Variants in SYNE1 observed in about 807,000 individuals in gnomAD.
The protein encoded by SYNE1 is spectrin repeat containing nuclear envelope protein 1.
A neutral mutation model predicts 1,111.0 loss-of-function variants in SYNE1; 616 were observed. The observed-to-expected ratio is 0.55, with a 90% confidence interval of 0.52 to 0.59. The LOEUF is 0.59. SYNE1 is among the 20% of genes least tolerant of loss of function. The probability of loss-of-function intolerance (pLI) is 0.00; values close to 1 mark genes in which losing one functional copy is unlikely to be tolerated. For synonymous variants in SYNE1, 3,855 were observed against 3,825.8 expected (o/e 1.01, Z -0.28); for missense variants, 10,006 against 10,417.0 (o/e 0.96, Z 1.72).
intron 14 of SYNE1, 53 bp downstream of exon 14, chr6:152,483,032 C>T (rs1456275447): frequency 4.3e-6 from 7 of 1,610,148 alleles, no homozygotes; most frequent in Non-Finnish European, 5.9e-6. Flanking sequence ...GGCTACCTCT[C>T]CAGACCACAG....
At chr6:152,444,726 C>A in intron 29 of SYNE1, 148 bp from the exon 30 acceptor site, 2 of 731,116 alleles carry the variant, frequency 2.7e-6, no homozygotes, top group Non-Finnish European at 4.4e-6. Flanking sequence ...CCACATCAGG[C>A]TAATTAGCCT....
rs533889254 is a variant in SYNE1 at position 152,271,335 on chromosome 6, A to T, written c.18574-2049T>A. Among the ~76,000 whole-genome samples the T allele has an allele frequency of 6.6e-5, 10 of 152,108 alleles. No individual in the cohort carries two copies. The East Asian group carries it at 1.9e-3, about 29-fold the overall frequency. The stretch of plus-strand genomic sequence containing the variant: ...GCTTGAAGCTAAATGAACAGTAAAA[A>T]CCTGTAGGTAATAGTATATAAAACT... On this transcript the variant is annotated intron_variant, in intron 98 of 145. Transcript: ENST00000367255.
chr6:152,387,250 A>T lies in SYNE1; in HGVS notation c.8309T>A (p.Phe2770Tyr), dbSNP rs1049551511. 1.2e-6 allele frequency: 2 copies of T among 1,614,174 alleles called. No individual in the cohort carries two copies. The highest frequency in any genetic ancestry group is 1.7e-6 in the Non-Finnish European group (2 of 1,180,034). ...LQPQPGLKEK[F>Y]VLLDHLQSIL... ...GGACTGGAGGTGGTCAAGCAGGACG[A>T]ACTTCTCTTTCAGACCTGGCTGTGG... Residue 2770 changes from phenylalanine (F) to tyrosine (Y), a missense_variant, in exon 54 of 146, where the codon TTC becomes TAC. Phe to Tyr is a conservative substitution (Grantham distance 22). Around this residue, in one of 7 missense-constraint regions of SYNE1, gnomAD observed 4,955 missense variants for 5,017.2 expected, o/e 0.99. Coordinates refer to ENST00000367255, the MANE Select transcript of SYNE1 (RefSeq NM_182961.4).
At chr6:152,603,849 A>G (rs59747004) in intron 3 of SYNE1, among the ~76,000 whole-genome samples, 5 of 94,162 alleles carry the variant, frequency 5.3e-5, no homozygotes, top group Admixed American at 3.7e-4. Context: ...ATCTATACAT[A>G]TATGTATATA....
Position 152,451,082 on chromosome 6 carries a change from G to A in SYNE1, c.3151C>T (p.Gln1051Ter). 1 of 1,614,080 alleles carries A rather than the reference G, an allele frequency of 6.2e-7. No individual in the cohort carries two copies. Among genetic ancestry groups the A allele is most frequent in the Non-Finnish European group, 8.5e-7 (1 of 1,180,024 alleles). Residue 1051 changes from glutamine (Q) to a stop codon, truncating the protein, a stop_gained, in exon 26 of 146, where the codon CAG becomes TAG. Transcript: ENST00000367255. LOFTEE classifies it high-confidence loss of function. ...ELDRETKLMP[Q>*]EGSEKIIKEH... is the part of the protein sequence containing the mutation. ...TTAATTATCTTTTCACTGCCTTCCT[G>A]GGGCATCAGCTTGGTCTCTCGATCC... is the stretch of plus-strand genomic sequence containing the variant.
chr6:152,542,894 CAGTT>C (rs2099278605), intron 3 of SYNE1, among the ~76,000 whole-genome samples: 1 of 152,156 alleles, frequency 6.6e-6, no homozygotes, highest in Admixed American at 6.5e-5. Context: ...AAAATAGACA[CAGTT>C]AGATTATATG....
At position 152,219,190 on chromosome 6, in the gene SYNE1, A is replaced by G. The variant is rs773382528; in HGVS notation, c.21862-5T>C. 9.3e-6 allele frequency: 15 copies of G among 1,613,282 alleles called. No individual in the cohort carries two copies. In the Admixed American group the frequency reaches 2.3e-4, roughly 25 times the overall value. On this transcript the variant is annotated splice_region_variant and splice_polypyrimidine_tract_variant and intron_variant, in intron 119 of 145. Coordinates refer to ENST00000367255, the MANE Select transcript of SYNE1 (RefSeq NM_182961.4). ...GCCCAGTCCTTTGAGGAGGTCCTAG[A>G]AGAGGTGAAAATATGCCCACTCTGA... is the stretch of plus-strand genomic sequence containing the variant.
intron 3 of SYNE1, among the ~76,000 whole-genome samples, chr6:152,619,094 C>T (rs905082790): frequency 2.0e-5 from 3 of 151,690 alleles, no homozygotes; most frequent in Non-Finnish European, 2.9e-5. Flanking sequence ...CCTCATTAGC[C>T]CCAATCTGAA....
chr6:152,531,777 CACTTATTATA>C (rs1313802123), intron 4 of SYNE1, among the ~76,000 whole-genome samples: 3 of 152,152 alleles, frequency 2.0e-5, no homozygotes, highest in Non-Finnish European at 2.9e-5. Context: ...TGGCTTATTT[CACTTATTATA>C]ACGTCCTCAA....
In SYNE1 at chr6:152,352,269, C is replaced by T; in HGVS notation, c.11338G>A (p.Glu3780Lys). Residue 3780 changes from glutamate (E) to lysine (K), a missense_variant, in exon 70 of 146, where the codon GAA (glutamate) becomes AAA (lysine). Physicochemically the swap from Glu to Lys is moderately conservative, Grantham distance 56. Transcript: ENST00000367255. ...KGERAVKYLEEGEAERLRKEI... is the reference protein window; with the variant it reads ...KGERAVKYLEKGEAERLRKEI... ...TTTCTTAACCTCTCTGCCTCGCCTT[C>T]CTCCAAGTATTTAACAGCCCTCTCT... 2 of 1,614,070 alleles carry T rather than the reference C, an allele frequency of 1.2e-6. No individual in the cohort carries two copies. Among genetic ancestry groups the T allele is most frequent in the East Asian group, 2.2e-5 (1 of 44,896 alleles).
chr6:152,468,578 C>T (rs2098785338), intron 16 of SYNE1, among the ~76,000 whole-genome samples: 1 of 152,152 alleles, frequency 6.6e-6, no homozygotes, highest in South Asian at 2.1e-4. Flanking sequence ...TTTAAGCACT[C>T]AGTGGCTGCA....
At chr6:152,281,402 G>T (rs948198687) in intron 97 of SYNE1, among the ~76,000 whole-genome samples, 1 of 152,254 alleles carries the variant, frequency 6.6e-6, no homozygotes, top group Non-Finnish European at 1.5e-5. Context: ...AAAGTTTTCC[G>T]AATAATATAT....
At chr6:152,401,995 C>A (rs2097826892) in intron 46 of SYNE1, among the ~76,000 whole-genome samples, 1 of 152,178 alleles carries the variant, frequency 6.6e-6, no homozygotes, top group South Asian at 2.1e-4. Flanking sequence ...TTCTTACCCC[C>A]ACCTCAGATC....
intron 42 of SYNE1, chr6:152,410,425 C>A (rs214979): frequency 0.47 from 68,867 of 146,780 alleles, 17,685 homozygotes; most frequent in East Asian, 0.75. Flanking sequence ...CAAACAAACA[C>A]ACACACACAC....
chr6:152,407,934 T>C (rs2097927402), intron 44 of SYNE1, among the ~76,000 whole-genome samples: 1 of 151,568 alleles, frequency 6.6e-6, no homozygotes, highest in Non-Finnish European at 1.5e-5. Context: ...GCTAATTTTT[T>C]GTATTTTTAG....
intron 110 of SYNE1, among the ~76,000 whole-genome samples, chr6:152,235,465 G>A (rs35429109): frequency 0.19 from 28,615 of 151,756 alleles, 2,924 homozygotes; most frequent in African/African-American, 0.22. Flanking sequence ...GGGTTCAAGC[G>A]ATTCTCCTGC....
intron 117 of SYNE1, 141 bp downstream of exon 117, chr6:152,224,353 A>C: frequency 1.1e-6 from 1 of 869,968 alleles, no homozygotes; most frequent in Non-Finnish European, 1.7e-6. Flanking sequence ...TAACACAGGT[A>C]AAATTAATTT....
intron 105 of SYNE1, among the ~76,000 whole-genome samples, chr6:152,245,190 C>G (rs193292678): frequency 4.9e-4 from 74 of 152,326 alleles, no homozygotes; most frequent in African/African-American, 1.6e-3. Context: ...ATTGCTAAGC[C>G]TTGTCTTCCC....
chr6:152,249,636 T>C (rs1274762915), intron 104 of SYNE1, among the ~76,000 whole-genome samples: 1 of 152,226 alleles, frequency 6.6e-6, no homozygotes, highest in Non-Finnish European at 1.5e-5. Context: ...TATCCTGATT[T>C]GGGAAATAAT....
Sources: allele counts gnomAD v4.1 joint callset (sites outside exome capture counted in the v4.1 genomes callset), GRCh38; gene constraint gnomAD v4.1.1; regional missense constraint gnomAD v4.1.1; transcripts MANE v1.5; gene names NCBI Gene and HGNC (gene_info 2026-07-23, HGNC 2026-07-21).